SLC12A3: variants seen among roughly 807,000 people sequenced by gnomAD.
SLC12A3 encodes the protein Na-Cl cotransporter.
In SLC12A3, 104 loss-of-function variants were observed where a neutral mutation model predicts 121.0. That is an observed-to-expected ratio of 0.86 (90% CI 0.73 to 1.01). The LOEUF (loss-of-function observed/expected upper bound fraction) is 1.01. Ranked by LOEUF, SLC12A3 falls within the 50% of genes least tolerant of loss-of-function variation. The probability of loss-of-function intolerance (pLI) is 0.00; values close to 1 mark genes in which losing one functional copy is unlikely to be tolerated. For synonymous variants in SLC12A3, 536 were observed against 533.4 expected, an observed-to-expected ratio of 1.00 and a Z score of -0.07; for missense variants, 1,328 against 1,356.3, an observed-to-expected ratio of 0.98 and a Z score of 0.33.
chr16:56,890,736 T>C (rs1011030657), intron 19 of SLC12A3, among the ~76,000 whole-genome samples: 3 of 152,014 alleles, frequency 2.0e-5, no homozygotes, highest in Non-Finnish European at 2.9e-5. Flanking sequence ...CTGTTGCTAC[T>C]AAAAATACAA....
At position 56,902,811 on chromosome 16, in the gene SLC12A3, G is replaced by A. The variant is rs151202921; in HGVS notation, c.2856+303G>A. On this transcript the variant is annotated intron_variant, in intron 24 of 25. Transcript: ENST00000563236. ...CCTCCACACTTCCTCTATGCCGGGT[G>A]GAAGAGATTTCTGAGACTCATGGTG... is the stretch of plus-strand genomic sequence containing the variant. 3.7e-3 allele frequency among the ~76,000 whole-genome samples: 568 copies of A among 152,216 alleles called. 2 individuals are homozygous for A. The highest frequency in any genetic ancestry group is 0.013 in the African/African-American group (538 of 41,536).
intron 6 of SLC12A3, among the ~76,000 whole-genome samples, chr16:56,871,284 C>T (rs1256336316): frequency 1.3e-5 from 2 of 152,236 alleles, no homozygotes; most frequent in South Asian, 2.1e-4. Flanking sequence ...ATACCCACAT[C>T]CCCTCCAGTC....
Position 56,902,414 on chromosome 16 carries a change from A to G in SLC12A3, c.2762A>G (p.Asn921Ser). ...FEDMIAPFRL[N>S]DGFKDEATVN... ...GACATGATTGCACCCTTCCGTCTGA[A>G]TGATGGCTTCAAGGATGAGGCCACT... The change falls in exon 24 of 26, where the codon AAT becomes AGT. Residue 921 changes from asparagine to serine, a missense_variant. Transcript: ENST00000563236. 1 of 1,552,856 alleles carries G rather than the reference A, an allele frequency of 6.4e-7. No homozygotes were observed. Among genetic ancestry groups the G allele is most frequent in the Non-Finnish European group, 8.8e-7 (1 of 1,140,450 alleles).
intron 22 of SLC12A3, among the ~76,000 whole-genome samples, chr16:56,895,062 A>G (rs1252454081): frequency 1.3e-5 from 2 of 151,568 alleles, no homozygotes; most frequent in African/African-American, 4.8e-5. Context: ...AATCTCCTCC[A>G]GGAGGAACCT....
At chr16:56,882,995 G>A (rs1027376285) in intron 13 of SLC12A3, among the ~76,000 whole-genome samples, 7 of 152,006 alleles carry the variant, frequency 4.6e-5, no homozygotes, top group Non-Finnish European at 2.9e-5. Context: ...CCTTTCTCGC[G>A]CACTGACAGT....
At chr16:56,890,427 A>T in intron 19 of SLC12A3, 71 bp downstream of exon 19, 1 of 1,242,168 alleles carries the variant, frequency 8.1e-7, no homozygotes, top group Non-Finnish European at 1.2e-6. Flanking sequence ...GCAGAGGGAA[A>T]AATGAGTAAG....
chr16:56,869,599 C>T, intron 3 of SLC12A3, 130 bp from the exon 4 acceptor site: 1 of 776,626 alleles, frequency 1.3e-6, no homozygotes, highest in Non-Finnish European at 2.2e-6. Context: ...GTGACAGAGA[C>T]CCATTTTTCA....
rs762558296 is a variant in SLC12A3, at chr16:56,871,190, G to C, written c.852+454G>C. ...CCACATGGCCCAGGGTGGGCATGGT[G>C]GCTCAGGGGGCCGGGCACCCAGACT... On this transcript the variant is annotated intron_variant, in intron 6 of 25. Transcript: ENST00000563236. 1.6e-4 allele frequency among the ~76,000 whole-genome samples: 25 copies of C among 152,174 alleles called. 1 individual carries two copies. The highest frequency in any genetic ancestry group is 3.5e-4 in the Non-Finnish European group (24 of 68,038).
intron 15 of SLC12A3, among the ~76,000 whole-genome samples, chr16:56,885,671 C>T (rs74021830): frequency 0.014 from 2,149 of 152,210 alleles, 36 homozygotes; most frequent in African/African-American, 0.046. Context: ...CCAATGGTGA[C>T]GAACCTCCCC....
intron 8 of SLC12A3, among the ~76,000 whole-genome samples, chr16:56,874,813 C>T (rs192990324): frequency 6.6e-6 from 1 of 151,476 alleles, no homozygotes; most frequent in Non-Finnish European, 1.5e-5. Flanking sequence ...TCAAACCTCA[C>T]CCCCCCGCAA....
chr16:56,911,228 C>T (rs2055679924), intron 25 of SLC12A3, among the ~76,000 whole-genome samples: 1 of 152,218 alleles, frequency 6.6e-6, no homozygotes, highest in African/African-American at 2.4e-5. Context: ...CCTGGAAAGT[C>T]ACTAAATATT....
At position 56,879,175 on chromosome 16, in the gene SLC12A3, C is replaced by T; in HGVS notation, c.1283C>T (p.Thr428Ile). ...GLACSYGWNF[T>I]ECTQQHSCHY... Reference sequence around the variant, plus strand: ...GCCTGCAGCTATGGCTGGAACTTCACCGAGTGCACCCAGCAGCACAGCTGC... The same window carrying T: ...GCCTGCAGCTATGGCTGGAACTTCATCGAGTGCACCCAGCAGCACAGCTGC... The change falls in exon 10 of 26, where the codon ACC becomes ATC. Residue 428 changes from threonine (T) to isoleucine (I), a missense_variant. Coordinates refer to ENST00000563236, the MANE Select transcript of SLC12A3 (RefSeq NM_001126108.2). The T allele has an allele frequency of 6.2e-7, 1 of 1,613,196 alleles. No homozygotes were observed. The highest frequency in any genetic ancestry group is 8.5e-7 in the Non-Finnish European group (1 of 1,179,996).
intron 3 of SLC12A3, among the ~76,000 whole-genome samples, chr16:56,868,921 G>A (rs977182871): frequency 6.6e-6 from 1 of 151,696 alleles, no homozygotes; most frequent in East Asian, 1.9e-4. Context: ...GCAGTGAGCC[G>A]AGATCACGCC....
intron 19 of SLC12A3, among the ~76,000 whole-genome samples, chr16:56,891,321 G>A (rs543897207): frequency 1.0e-4 from 15 of 143,128 alleles, no homozygotes; most frequent in Middle Eastern, 4.1e-3. Flanking sequence ...GCAGTGAGCC[G>A]TGATTGCACC....
At chr16:56,901,345 C>CTTTTTTTTT (rs1408480661) in intron 23 of SLC12A3, among the ~76,000 whole-genome samples, 20 of 84,146 alleles carry the variant, frequency 2.4e-4, no homozygotes, top group African/African-American at 1.2e-3. Flanking sequence ...ATCTCTCTCT[C>CTTTTTTTTT]TCTTTTTTTT....
rs1453156715 is a variant in SLC12A3, at chr16:56,913,433, G to A, written c.*28G>A. On this transcript the variant is annotated 3_prime_UTR_variant, in exon 26 of 26. Coordinates refer to ENST00000563236, the MANE Select transcript of SLC12A3 (RefSeq NM_001126108.2). ...CCAGGCTTTGACATCCCTGTCCACA[G>A]CTCTGAGTGTGTGGGATAAGTTGGA... 1 of 1,612,094 alleles carries A rather than the reference G, an allele frequency of 6.2e-7. No individual in the cohort carries two copies. Among genetic ancestry groups the A allele is most frequent in the Non-Finnish European group, 8.5e-7 (1 of 1,178,114 alleles).
chr16:56,895,584 GC>G (rs2055451779), intron 22 of SLC12A3, among the ~76,000 whole-genome samples: 1 of 151,428 alleles, frequency 6.6e-6, no homozygotes, highest in East Asian at 1.9e-4. Context: ...TGGAGAACAC[GC>G]CTCCTCCTGA....
chr16:56,887,798 A>ATTT (rs1211988197), intron 17 of SLC12A3, 127 bp from the exon 18 acceptor site: 1,027 of 68,520 alleles, frequency 0.015, 93 homozygotes, highest in Non-Finnish European at 0.024. Context: ...ATATATATAT[A>ATTT]TTTTTTTTTT....
Position 56,870,758 on chromosome 16 carries a change from G to A in SLC12A3, c.852+22G>A, listed in dbSNP as rs776384117. ...CAAGGTGAGGAGGCCATGGAGGAGG[G>A]GGACATGGAGGTGGTCACGTGGAGA... On this transcript the variant is annotated intron_variant, in intron 6 of 25. Transcript: ENST00000563236. 3 of 1,458,722 alleles carry A rather than the reference G, an allele frequency of 2.1e-6. No individual in the cohort carries two copies. The Admixed American group carries it at 5.0e-5, about 24-fold the overall frequency. The allele number at this position is 1,458,722 out of a possible 1,614,324, so 90.4% of individuals were successfully genotyped here. A position where few individuals can be genotyped will look rare whatever the true frequency, so the allele number is the denominator to read the frequency against.
Sources: gnomAD v4.1 joint callset for allele counts (sites outside exome capture counted in the v4.1 genomes callset) on GRCh38, gnomAD v4.1.1 for gene constraint, MANE v1.5 for transcripts, NCBI Gene and HGNC (gene_info 2026-07-23, HGNC 2026-07-21) for gene names.